PRDM2: variants seen among roughly 807,000 people sequenced by gnomAD.
PRDM2 encodes the protein PR domain zinc finger protein 2.
Under a neutral mutation model 130.0 loss-of-function variants are expected in PRDM2, and 30 were observed. The observed-to-expected ratio is 0.23, with a 90% CI of 0.17 to 0.31. The LOEUF (loss-of-function observed/expected upper bound fraction) is 0.31. PRDM2 is among the 10% of genes least tolerant of loss of function. The pLI is 1.00. For missense variants in PRDM2, 2,011 were observed against 2,108.4 expected, an observed-to-expected ratio of 0.95 and a Z score of 0.90; for synonymous variants, 871 against 782.4, an observed-to-expected ratio of 1.11 and a Z score of -1.89.
chr1:13,712,499 G>A (rs1162048588), intron 1 of PRDM2, among the ~76,000 whole-genome samples: 1 of 152,184 alleles, frequency 6.6e-6, no homozygotes, highest in African/African-American at 2.4e-5. Context: ...ATCCCTGACT[G>A]ACTTTCTTTC....
chr1:13,783,017 A>G (rs1289964107), intron 8 of PRDM2, 186 bp downstream of exon 8: 3 of 1,357,982 alleles, frequency 2.2e-6, no homozygotes, highest in East Asian at 5.1e-5. Context: ...AAATAGTTCT[A>G]ATTTCAGACT....
chr1:13,787,145 A>G (rs964302613), intron 8 of PRDM2: 142 of 985,182 alleles, frequency 1.4e-4, no homozygotes, highest in Middle Eastern at 5.2e-4. Context: ...TTTTATGCCT[A>G]TTCTGGTGTT....
At chr1:13,770,793 T>C (rs1644342802) in intron 6 of PRDM2, among the ~76,000 whole-genome samples, 1 of 152,136 alleles carries the variant, frequency 6.6e-6, no homozygotes, top group Admixed American at 6.5e-5. Context: ...AGAGAAAAAG[T>C]TTCTGAATAT....
chr1:13,757,458 A>AT (rs1400509636), intron 6 of PRDM2, among the ~76,000 whole-genome samples: 1 of 152,150 alleles, frequency 6.6e-6, no homozygotes, highest in African/African-American at 2.4e-5. Context: ...GAGCTCTTTC[A>AT]TTTTGTCTTA....
chr1:13,789,784 T>A (rs1456666549), intron 8 of PRDM2, among the ~76,000 whole-genome samples: 1 of 152,102 alleles, frequency 6.6e-6, no homozygotes, highest in Non-Finnish European at 1.5e-5. Context: ...GAGAAAAGGG[T>A]TGACTAGGAT....
intron 5 of PRDM2, among the ~76,000 whole-genome samples, chr1:13,746,235 TGGTCTTTTG>T (rs1643600977): frequency 6.6e-6 from 1 of 151,896 alleles, no homozygotes; most frequent in Non-Finnish European, 1.5e-5. Flanking sequence ...AGAGGTTGTT[TGGTCTTTTG>T]ACTTTATTTT....
intron 2 of PRDM2, 47 bp downstream of exon 2, chr1:13,715,661 A>C: frequency 6.6e-7 from 1 of 1,510,446 alleles, no homozygotes; most frequent in Non-Finnish European, 8.9e-7. Flanking sequence ...CCTAGATGTT[A>C]GACCAGCTCT....
intron 4 of PRDM2, among the ~76,000 whole-genome samples, chr1:13,734,972 GCT>G: frequency 6.6e-6 from 1 of 152,064 alleles, no homozygotes; most frequent in East Asian, 1.9e-4. Flanking sequence ...TTCCAACTCT[GCT>G]CTTACCCTCA....
chr1:13,732,465 C>T (rs1336788941), intron 3 of PRDM2, among the ~76,000 whole-genome samples: 2 of 152,080 alleles, frequency 1.3e-5, no homozygotes, highest in Non-Finnish European at 2.9e-5. Flanking sequence ...GTTGTTGTGA[C>T]TGTGTTATTC....
intron 6 of PRDM2, among the ~76,000 whole-genome samples, chr1:13,753,370 A>G (rs1639468716): frequency 1.3e-5 from 2 of 152,246 alleles, no homozygotes; most frequent in South Asian, 2.1e-4. Context: ...AATATCAGCT[A>G]TAGCTTATAA....
At position 13,796,993 on chromosome 1, in the gene PRDM2, G is replaced by T. The variant is rs187323984; in HGVS notation, c.5036+14162G>T. Among the ~76,000 whole-genome samples the T allele has an allele frequency of 1.3e-3, 194 of 152,310 alleles. 1 individual carries two copies. The highest frequency in any genetic ancestry group is 4.3e-3 in the African/African-American group (178 of 41,554). ...TTTCTCAGCAAATATTTGTTGCCAGGTGAAGTTCCTTAGTTCTGAAACAAG... is the reference window on the plus strand; with the variant it reads ...TTTCTCAGCAAATATTTGTTGCCAGTTGAAGTTCCTTAGTTCTGAAACAAG... On this transcript the variant is annotated intron_variant, in intron 8 of 9. Coordinates refer to ENST00000311066, the MANE Select transcript of PRDM2 (RefSeq NM_001393986.1).
chr1:13,817,522 C>T (rs1645276635), intron 9 of PRDM2, among the ~76,000 whole-genome samples: 1 of 151,770 alleles, frequency 6.6e-6, no homozygotes, highest in South Asian at 2.1e-4. Context: ...CACCACACAA[C>T]TGCATTCATT....
chr1:13,703,646 C>T (rs1642128865), intron 1 of PRDM2, among the ~76,000 whole-genome samples: 4 of 152,122 alleles, frequency 2.6e-5, no homozygotes, highest in South Asian at 2.1e-4. Flanking sequence ...GTTTTCATGA[C>T]GTGGAATCAG....
chr1:13,735,654 T>G (rs1643245847), intron 4 of PRDM2, among the ~76,000 whole-genome samples: 1 of 152,208 alleles, frequency 6.6e-6, no homozygotes. Flanking sequence ...ATGCACTGCC[T>G]TCCCCATTAT....
At chr1:13,793,462 G>A (rs1171695245) in intron 8 of PRDM2, among the ~76,000 whole-genome samples, 1 of 152,202 alleles carries the variant, frequency 6.6e-6, no homozygotes, top group African/African-American at 2.4e-5. Context: ...CTTGGATGAT[G>A]GTGATCACTA....
In PRDM2 at chr1:13,780,966, A is replaced by G. The variant is rs1644599103; in HGVS notation, c.3171A>G (p.Ser1057=). Residue 1057 remains serine, a synonymous_variant, in exon 8 of 10, where the codon TCA becomes TCG. Transcript: ENST00000311066. ...GPPTLSSSSS[S]SSSSSSFSSS... is the part of the protein sequence containing the mutation. ...CAACACTTTCTTCTTCCTCCTCTTC[A>G]TCTTCCTCCTCCTCTTCGTTTTCTT... 5 of 1,599,370 alleles carry G rather than the reference A, an allele frequency of 3.1e-6. No individual in the cohort carries two copies. Among genetic ancestry groups the G allele is most frequent in the South Asian group, 1.1e-5 (1 of 90,648 alleles).
In PRDM2 at chr1:13,782,247, T is replaced by C; in HGVS notation, c.4452T>C (p.Ser1484=). 1 of 1,612,412 alleles carries C rather than the reference T, an allele frequency of 6.2e-7. No individual in the cohort carries two copies. The highest frequency in any genetic ancestry group is 8.5e-7 in the Non-Finnish European group (1 of 1,179,672). ...TCAGCTGTCCCAAAAAACCCCTTTC[T>C]CCTCCCAAAAAAAAAGTTTCTCATT... The part of the protein sequence containing the change: ...AAFSCPKKPL[S]PPKKKVSHSS... The change falls in exon 8 of 10, where the codon TCT becomes TCC. Residue 1484 remains serine, a synonymous_variant. Transcript: ENST00000311066.
chr1:13,722,264 G>C (rs544597301), intron 2 of PRDM2, among the ~76,000 whole-genome samples: 1 of 152,284 alleles, frequency 6.6e-6, no homozygotes, highest in Admixed American at 6.5e-5. Context: ...GAGTTGTTGG[G>C]AATGTTTTCG....
At chr1:13,773,235 CAGTG>C in intron 7 of PRDM2, 47 bp downstream of exon 7, 6 of 1,130,254 alleles carry the variant, frequency 5.3e-6, no homozygotes, top group Non-Finnish European at 4.9e-6. Flanking sequence ...TGTATGTACC[CAGTG>C]AATTTAACTT....
Sources: allele counts gnomAD v4.1 joint callset (sites outside exome capture counted in the v4.1 genomes callset), GRCh38; gene constraint gnomAD v4.1.1; transcripts MANE v1.5; gene names NCBI Gene and HGNC (gene_info 2026-07-23, HGNC 2026-07-21).